SMYD4: variants seen among roughly 807,000 people sequenced by gnomAD.
SMYD4 encodes protein-lysine N-methyltransferase SMYD4.
A neutral mutation model predicts 72.8 loss-of-function variants in SMYD4; 68 were observed. The ratio of observed to expected loss-of-function variants is 0.93; its 90% CI spans 0.77 to 1.14. The LOEUF (loss-of-function observed/expected upper bound fraction) is 1.14, where lower values mean the gene tolerates loss of function less well. Among genes scored for constraint, SMYD4 ranks in the 50% most tolerant of loss-of-function variants. The pLI, the probability that SMYD4 is intolerant of heterozygous loss-of-function variation, is 0.00. For missense variants in SMYD4, 984 were observed against 1,003.7 expected (o/e 0.98, Z 0.27); for synonymous variants, 407 against 388.6 (o/e 1.05, Z -0.56).
intron 3 of SMYD4, among the ~76,000 whole-genome samples, chr17:1,806,076 C>T (rs1910021388): frequency 6.6e-6 from 1 of 151,784 alleles, no homozygotes; most frequent in Non-Finnish European, 1.5e-5. Flanking sequence ...AGGCGCCCGC[C>T]ACCACGCCTG....
At position 1,829,786 on chromosome 17, in the gene SMYD4, A is replaced by C; in HGVS notation, c.-73T>G. ...CGAGAACCGCTCAGACGCGCCCGGA[A>C]CTGCGCCCTGGTCTCCCTCCCAGCG... On this transcript the variant is annotated 5_prime_UTR_variant, in exon 1 of 11. Transcript: ENST00000305513. The C allele has an allele frequency of 4.3e-6, 1 of 230,248 alleles. No homozygotes were observed. Among genetic ancestry groups the C allele is most frequent in the Non-Finnish European group, 8.3e-6 (1 of 119,892 alleles). 14.3% of individuals were successfully genotyped at this position (230,248 alleles called of 1,614,324 possible).
chr17:1,793,872 G>A (rs539387609), intron 5 of SMYD4, among the ~76,000 whole-genome samples: 1 of 150,426 alleles, frequency 6.6e-6, no homozygotes, highest in East Asian at 2.0e-4. Context: ...CCAGGCTGGG[G>A]TGCAGTGGTG....
At chr17:1,825,371 G>A (rs568503701) in intron 2 of SMYD4, among the ~76,000 whole-genome samples, 2 of 152,150 alleles carry the variant, frequency 1.3e-5, no homozygotes, top group Non-Finnish European at 2.9e-5. Context: ...AAAAAGTGCA[G>A]AAGGATTAGA....
At chr17:1,810,762 T>C (rs552123450) in intron 3 of SMYD4, among the ~76,000 whole-genome samples, 64 of 152,280 alleles carry the variant, frequency 4.2e-4, no homozygotes, top group African/African-American at 1.4e-3. Flanking sequence ...GGCAGACACA[T>C]AAGCAGCTGG....
At chr17:1,814,141 CAAA>C (rs1181654790) in intron 2 of SMYD4, among the ~76,000 whole-genome samples, 1 of 151,728 alleles carries the variant, frequency 6.6e-6, no homozygotes, top group Non-Finnish European at 1.5e-5. Flanking sequence ...CCTGTCTCTA[CAAA>C]AAATACAAAA....
chr17:1,782,707 T>C (rs1908427776), intron 10 of SMYD4: 1 of 199,050 alleles, frequency 5.0e-6, no homozygotes, highest in Non-Finnish European at 9.6e-6. Flanking sequence ...CTGGCCAAGT[T>C]CTCTCTGGGA....
chr17:1,808,551 G>C (rs1910163158), intron 3 of SMYD4, among the ~76,000 whole-genome samples: 1 of 151,890 alleles, frequency 6.6e-6, no homozygotes, highest in Non-Finnish European at 1.5e-5. Context: ...TTTACAATCA[G>C]ACAAAAACAA....
At chr17:1,825,229 A>C (rs1450889371) in intron 2 of SMYD4, among the ~76,000 whole-genome samples, 1 of 152,194 alleles carries the variant, frequency 6.6e-6, no homozygotes, top group Non-Finnish European at 1.5e-5. Context: ...AAAATTGTCC[A>C]CCTGGAAAAA....
chr17:1,787,587 C>T lies in SMYD4; in HGVS notation c.1555G>A (p.Val519Ile), dbSNP rs371001101. Reference sequence around the variant, plus strand: ...AGGCGCACCTGCCTGCTGTCGGTAACGATGCTCCCTTTAGGTCCTGAAAGG... The same window carrying T: ...AGGCGCACCTGCCTGCTGTCGGTAATGATGCTCCCTTTAGGTCCTGAAAGG... Reference protein sequence around the residue: ...IQHTGPKGSIVTDSRQVRLAT... With the variant: ...IQHTGPKGSIITDSRQVRLAT... Residue 519 changes from valine (V) to isoleucine (I), a missense_variant, in exon 6 of 11, where the codon GTT (valine) becomes ATT (isoleucine). Transcript: ENST00000305513. 9 of 1,590,786 alleles carry T rather than the reference C, an allele frequency of 5.7e-6. No homozygotes were observed. Among genetic ancestry groups the T allele is most frequent in the East Asian group, 4.5e-5 (2 of 44,086 alleles).
intron 5 of SMYD4, among the ~76,000 whole-genome samples, chr17:1,788,407 T>A (rs1908819592): frequency 1.3e-5 from 2 of 152,150 alleles, no homozygotes; most frequent in South Asian, 4.1e-4. Flanking sequence ...CATTTATTAT[T>A]TTTTTCTTTT....
Position 1,786,956 on chromosome 17 carries a change from TC to T in SMYD4, c.1737del (p.Met580TrpfsTer10), listed in dbSNP as rs774232360. 3.1e-6 allele frequency: 5 copies of T among 1,613,852 alleles called. No homozygotes were observed. In the South Asian group the frequency reaches 5.5e-5, roughly 18 times the overall value. On this transcript the variant is annotated frameshift_variant, in exon 7 of 11. Transcript: ENST00000305513. LOFTEE classifies it high-confidence loss of function. ...ILHCYGPHKS[R>X]MGVAERQQKL... ...TTCTGCTGCCTTTCGGCAACCCCCA[TC>T]CGGCTCTTGTGAGGCCCTGGAGGGA...
chr17:1,781,426 C>T lies in SMYD4; in HGVS notation c.2275G>A (p.Glu759Lys), dbSNP rs533007647. 9.9e-6 allele frequency: 16 copies of T among 1,613,744 alleles called. No homozygotes were observed. Among genetic ancestry groups the T allele is most frequent in the East Asian group, 8.9e-5 (4 of 44,872 alleles). ...GCTTTCTGTATTGTGCTCAGGGCTT[C>T]GGGTACTGCAAACCTGAGCCAAGGG... The part of the protein sequence containing the change: ...QIFFNGFAVP[E>K]ALSTIQKAEE... The change falls in exon 11 of 11, where the codon GAA becomes AAA. Residue 759 changes from glutamate (E) to lysine (K), a missense_variant. Transcript: ENST00000305513.
In SMYD4 at chr17:1,827,979, CCA is replaced by C. The variant is rs1234766914; in HGVS notation, c.14_15del (p.Val5GlyfsTer2). 1.2e-6 allele frequency: 2 copies of C among 1,611,914 alleles called. No individual in the cohort carries two copies. The highest frequency in any genetic ancestry group is 8.5e-7 in the Non-Finnish European group (1 of 1,178,146). On this transcript the variant is annotated frameshift_variant, in exon 2 of 11. Coordinates refer to ENST00000305513, the MANE Select transcript of SMYD4 (RefSeq NM_052928.3). LOFTEE classifies it high-confidence loss of function. Reference sequence around the variant, plus strand: ...TGAAGCAGATATGATTTCCATTCATCCACAGGCAGATCCATGCTGCTTTTGAT... The same window carrying C: ...TGAAGCAGATATGATTTCCATTCATCCAGGCAGATCCATGCTGCTTTTGAT... Reference protein sequence around the residue: MDLPVDEWKSYLLQK... With the variant: MDLPXDEWKSYLLQK...
rs1567766483 is a variant in SMYD4 at position 1,787,471 on chromosome 17, G to A, written c.1671C>T (p.Ile557=). The change falls in exon 6 of 11, where the codon ATC becomes ATT. Residue 557 remains isoleucine, a synonymous_variant. Transcript: ENST00000305513. ...CCTTTCTAATCCGCTGTGACGCCCG[G>A]ATGGTGGCGACAGTGCTAATGAAGG... is the stretch of plus-strand genomic sequence containing the variant. ...SVSFISTVAT[I]RASQRIRKGQ... is the part of the protein sequence containing the mutation. 6.4e-7 allele frequency: 1 copy of A among 1,567,526 alleles called. No homozygotes were observed. Among genetic ancestry groups the A allele is most frequent in the Non-Finnish European group, 8.7e-7 (1 of 1,156,068 alleles).
intron 8 of SMYD4, 48 bp from the exon 9 acceptor site, chr17:1,783,524 C>T (rs1214935668): frequency 6.4e-7 from 1 of 1,555,758 alleles, no homozygotes; most frequent in Non-Finnish European, 8.7e-7. Context: ...AAGCCCAGTC[C>T]TAGGAATGAG....
At chr17:1,783,670 A>G (rs1908500493) in intron 8 of SMYD4, 194 bp from the exon 9 acceptor site, 6 of 1,013,434 alleles carry the variant, frequency 5.9e-6, no homozygotes, top group Middle Eastern at 3.3e-4. Flanking sequence ...TCAGTGGAGA[A>G]AGGCGCTAGG....
intron 4 of SMYD4, chr17:1,804,212 C>G (rs1328111951): frequency 5.4e-6 from 1 of 184,866 alleles, no homozygotes; most frequent in Non-Finnish European, 1.1e-5. Context: ...ACTCTGTCAC[C>G]CAGGCTGGAG....
Position 1,783,151 on chromosome 17 carries a change from C to G in SMYD4, c.2145G>C (p.Trp715Cys). Reference protein sequence around the residue: ...LARACAALGDWQKSATHLQRS... With the variant: ...LARACAALGDCQKSATHLQRS... ...TCTGTAGATGGGTGGCTGACTTTTG[C>G]CAGTCTCCTGTGAGAAGAGAAAAAT... Residue 715 changes from tryptophan (W) to cysteine (C), a missense_variant, in exon 10 of 11, where the codon TGG (tryptophan) becomes TGC (cysteine). Transcript: ENST00000305513. The G allele has an allele frequency of 6.2e-7, 1 of 1,614,084 alleles. No homozygotes were observed. The highest frequency in any genetic ancestry group is 8.5e-7 in the Non-Finnish European group (1 of 1,180,016).
rs1272949680 is a variant in SMYD4 at position 1,805,737 on chromosome 17, A to T, written c.280-1022T>A. Among the ~76,000 whole-genome samples the T allele has an allele frequency of 2.6e-5, 4 of 151,248 alleles. No individual in the cohort carries two copies. In the South Asian group the frequency reaches 8.3e-4, roughly 31 times the overall value. On this transcript the variant is annotated intron_variant, in intron 3 of 10. Coordinates refer to ENST00000305513, the MANE Select transcript of SMYD4 (RefSeq NM_052928.3). ...TGAGGCAGGAGAATTGCTTGGACTC[A>T]GGAAGCAGAGGTTGCAGGGAGCTGA...
Sources: allele counts gnomAD v4.1 joint callset (sites outside exome capture counted in the v4.1 genomes callset), GRCh38; gene constraint gnomAD v4.1.1; transcripts MANE v1.5; gene names NCBI Gene and HGNC (gene_info 2026-07-23, HGNC 2026-07-21).